ZNF415: variants seen among roughly 807,000 people sequenced by gnomAD.
ZNF415 encodes the protein zinc finger protein 415.
ZNF415 carries 5 observed loss-of-function variants against 7.3 expected under a neutral mutation model. The observed-to-expected ratio is 0.69, with a 90% CI of 0.36 to 1.44. The LOEUF is 1.44. Among genes scored for constraint, ZNF415 ranks in the 40% most tolerant of loss-of-function variants. The probability of loss-of-function intolerance (pLI) is 0.04; values close to 1 mark genes in which losing one functional copy is unlikely to be tolerated. For synonymous variants in ZNF415, 207 were observed against 226.3 expected (o/e 0.91, Z 0.77); for missense variants, 628 against 664.8 (o/e 0.94, Z 0.61).
In ZNF415 at chr19:53,113,291, G is replaced by A. The variant is rs1165183469; in HGVS notation, c.136+3022C>T. 6.9e-5 allele frequency among the ~76,000 whole-genome samples: 2 copies of A among 28,972 alleles called. 1 individual carries two copies. Among genetic ancestry groups the A allele is most frequent in the African/African-American group, 2.5e-4 (2 of 8,142 alleles). The allele number at this position is 28,972 out of a possible 152,430, so 19.0% of individuals were successfully genotyped here. ...TGGGAGGCCGAGACGGGCGGATCAC[G>A]AGGTCAGGAGATCGAGACCATCCTG... On this transcript the variant is annotated intron_variant, in intron 3 of 3. Coordinates refer to ENST00000243643, the MANE Select transcript of ZNF415 (RefSeq NM_018355.4).
At chr19:53,125,491 C>A (rs1268063109) in intron 1 of ZNF415, among the ~76,000 whole-genome samples, 3 of 152,024 alleles carry the variant, frequency 2.0e-5, no homozygotes, top group African/African-American at 7.3e-5. Context: ...GCACGAGCCA[C>A]CACATCTGGC....
chr19:53,113,310 C>A lies in ZNF415; in HGVS notation c.136+3003G>T, dbSNP rs545851836. Reference sequence around the variant, plus strand: ...GATCACGAGGTCAGGAGATCGAGACCATCCTGGCTAACACGGTGAAACCCC... The same window carrying A: ...GATCACGAGGTCAGGAGATCGAGACAATCCTGGCTAACACGGTGAAACCCC... On this transcript the variant is annotated intron_variant, in intron 3 of 3. Transcript: ENST00000243643. Among the ~76,000 whole-genome samples the A allele has an allele frequency of 9.5e-3, 318 of 33,458 alleles. 92 individuals carry two copies. The highest frequency in any genetic ancestry group is 0.031 in the African/African-American group (291 of 9,402). The allele number at this position is 33,458 out of a possible 152,430, so 21.9% of individuals were successfully genotyped here. A position where few individuals can be genotyped will look rare whatever the true frequency, so the allele number is the denominator to read the frequency against.
intron 1 of ZNF415, 49 bp from the exon 2 acceptor site, chr19:53,122,792 CCT>C (rs750147642): frequency 2.1e-6 from 3 of 1,419,632 alleles, no homozygotes; most frequent in Non-Finnish European, 9.9e-7. Context: ...CAACACACCC[CCT>C]CTTGTGTGAC....
intron 3 of ZNF415, among the ~76,000 whole-genome samples, chr19:53,110,774 AG>A (rs2086110592): frequency 6.6e-6 from 1 of 152,242 alleles, no homozygotes; most frequent in Non-Finnish European, 1.5e-5. Context: ...TTGATGCATG[AG>A]GTCAGGTAAA....
At chr19:53,127,428 T>C (rs1447712652) in intron 1 of ZNF415, among the ~76,000 whole-genome samples, 1 of 152,226 alleles carries the variant, frequency 6.6e-6, no homozygotes, top group Non-Finnish European at 1.5e-5. Flanking sequence ...AATGTATTTA[T>C]TTCCACTCAT....
intron 2 of ZNF415, among the ~76,000 whole-genome samples, chr19:53,118,268 A>G (rs926632104): frequency 6.6e-6 from 1 of 152,224 alleles, no homozygotes; most frequent in Non-Finnish European, 1.5e-5. Context: ...TAACAATTCT[A>G]AACATATATG....
chr19:53,110,771 A>G (rs8111611), intron 3 of ZNF415, among the ~76,000 whole-genome samples: 8,796 of 152,288 alleles, frequency 0.058, 818 homozygotes, highest in African/African-American at 0.2. Flanking sequence ...CATTTGATGC[A>G]TGAGGTCAGG....
Position 53,108,839 on chromosome 19 carries a change from A to G in ZNF415, c.1206T>C (p.His402=), listed in dbSNP as rs764234452. The change falls in exon 4 of 4, where the codon CAT becomes CAC. Residue 402 remains histidine (H), a synonymous_variant. Transcript: ENST00000243643. ...GTTTCTCTCCAGTATGAATTCTCCA[A>G]TGCCTTGCAAGGCTTGAAGTCTGAC... ...VFSQTSSLAR[H]WRIHTGEKPY... 3.7e-6 allele frequency: 6 copies of G among 1,614,102 alleles called. No homozygotes were observed. Among genetic ancestry groups the G allele is most frequent in the Middle Eastern group, 3.3e-4 (2 of 6,060 alleles).
rs2085763452 is a variant in ZNF415, at chr19:53,108,776, G to GT, written c.1268dup (p.Tyr423Ter). Reference sequence around the variant, plus strand: ...TCCGATGACTCGCAAGGTGTGAATTGTAACTGAAAACCTTACCACATTCAT... The same window carrying GT: ...TCCGATGACTCGCAAGGTGTGAATTGTTAACTGAAAACCTTACCACATTCAT... Reference protein sequence around the residue: ...KCNECGKVFSYNSHLASHRRV... With the variant: ...KCNECGKVFS The change falls in exon 4 of 4, where the codon TAC becomes TAAC. Residue 423 changes from tyrosine (Y) to a stop codon, truncating the protein, a stop_gained and frameshift_variant. Transcript: ENST00000243643. LOFTEE classifies it low-confidence loss of function (END_TRUNC). 5 of 1,613,074 alleles carry GT rather than the reference G, an allele frequency of 3.1e-6. No individual in the cohort carries two copies. The highest frequency in any genetic ancestry group is 4.2e-6 in the Non-Finnish European group (5 of 1,179,334).
At chr19:53,117,704 C>A (rs922169958) in intron 2 of ZNF415, among the ~76,000 whole-genome samples, 3 of 152,120 alleles carry the variant, frequency 2.0e-5, no homozygotes, top group Non-Finnish European at 4.4e-5. Flanking sequence ...TTCTTCACCA[C>A]TAGACTGGCC....
intron 3 of ZNF415, among the ~76,000 whole-genome samples, chr19:53,112,013 C>T (rs1231443486): frequency 6.6e-6 from 1 of 151,098 alleles, no homozygotes; most frequent in East Asian, 2.0e-4. Flanking sequence ...GTGATCTCGG[C>T]TCACTGCAAC....
At chr19:53,121,456 C>T (rs139407271) in intron 2 of ZNF415, among the ~76,000 whole-genome samples, 345 of 152,008 alleles carry the variant, frequency 2.3e-3, no homozygotes, top group African/African-American at 8.0e-3. Flanking sequence ...AGAGTCTCGC[C>T]CTGTCACCCA....
At chr19:53,131,063 C>CTTTTT (rs59835974) in intron 1 of ZNF415, among the ~76,000 whole-genome samples, 1 of 51,586 alleles carries the variant, frequency 1.9e-5, no homozygotes, top group African/African-American at 8.0e-5. Flanking sequence ...TTTCTTGCAA[C>CTTTTT]TTTTTTTTTT....
At chr19:53,121,224 T>A (rs1261002658) in intron 2 of ZNF415, among the ~76,000 whole-genome samples, 1 of 147,258 alleles carries the variant, frequency 6.8e-6, no homozygotes, top group Non-Finnish European at 1.5e-5. Context: ...TGAAACCCCA[T>A]CTCTACAAAA....
chr19:53,113,230 C>T (rs10412771), intron 3 of ZNF415, among the ~76,000 whole-genome samples: 33,017 of 52,316 alleles, frequency 0.63, 13,364 homozygotes, highest in African/African-American at 0.73. Context: ...AGGCATTGGC[C>T]GGGCGCGGTG....
At position 53,116,468 on chromosome 19, in the gene ZNF415, G is replaced by C. The variant is rs753338445; in HGVS notation, c.16-35C>G. The C allele has an allele frequency of 5.6e-6, 9 of 1,612,858 alleles. No individual in the cohort carries two copies. The South Asian group carries it at 7.7e-5, about 14-fold the overall frequency. ...AAATAATAAACACATTTCACCAAGA[G>C]GTTATGAAGGGAGTTACCATCTTCA... is the stretch of plus-strand genomic sequence containing the variant. On this transcript the variant is annotated intron_variant, in intron 2 of 3. Transcript: ENST00000243643.
Position 53,108,578 on chromosome 19 carries a change from G to C in ZNF415, c.1467C>G (p.Ile489Met). Residue 489 changes from isoleucine to methionine, a missense_variant, in exon 4 of 4, where the codon ATC becomes ATG. Coordinates refer to ENST00000243643, the MANE Select transcript of ZNF415 (RefSeq NM_018355.4). ...VHSSLTTHQV[I>M]HTGEKPYKCN... ...ATTTGTAAGGTTTTTCTCCAGTATG[G>C]ATGACCTGATGGGTAGTTAGGCTTG... is the stretch of plus-strand genomic sequence containing the variant. 6.2e-7 allele frequency: 1 copy of C among 1,613,956 alleles called. No homozygotes were observed. Among genetic ancestry groups the C allele is most frequent in the Non-Finnish European group, 8.5e-7 (1 of 1,179,928 alleles).
rs567290685 is a variant in ZNF415, at chr19:53,114,722, C to G, written c.136+1591G>C. ...GGGGATCCCAGTGAAGACCTGTCAA[C>G]TGTTCTTACAGTTCTGCAGAGTAAC... On this transcript the variant is annotated intron_variant, in intron 3 of 3. Transcript: ENST00000243643. 1.6e-4 allele frequency among the ~76,000 whole-genome samples: 24 copies of G among 152,314 alleles called. 1 individual carries two copies. Among genetic ancestry groups the G allele is most frequent in the Admixed American group, 1.4e-3 (21 of 15,290 alleles).
Position 53,108,450 on chromosome 19 carries a change from G to T in ZNF415, c.1595C>A (p.Ser532Tyr). 6.2e-7 allele frequency: 1 copy of T among 1,614,102 alleles called. No homozygotes were observed. ...GAAGAGGTTTGGGCGCACACTAAAG[G>T]ACTTCCCACAATCACTACATTTGTA... ...KPYKCSDCGK[S>Y]FSVRPNLFRH... is the part of the protein sequence containing the mutation. The change falls in exon 4 of 4, where the codon TCC becomes TAC. Residue 532 changes from serine (S) to tyrosine (Y), a missense_variant. Ser to Tyr is a moderately radical substitution (Grantham distance 144, BLOSUM62 -2). Coordinates refer to ENST00000243643, the MANE Select transcript of ZNF415 (RefSeq NM_018355.4).
Sources: allele counts gnomAD v4.1 joint callset (sites outside exome capture counted in the v4.1 genomes callset), GRCh38; gene constraint gnomAD v4.1.1; transcripts MANE v1.5; gene names NCBI Gene and HGNC (gene_info 2026-07-23, HGNC 2026-07-21).